The following CLASP1 variants were observed in gnomAD, a reference collection of about 807,000 sequenced individuals.
The protein encoded by CLASP1 is CLIP-associating protein 1.
Under a neutral mutation model 192.3 loss-of-function variants are expected in CLASP1, and 38 were observed. The observed-to-expected ratio is 0.20, with a 90% CI of 0.15 to 0.26. The LOEUF (loss-of-function observed/expected upper bound fraction) is 0.26, where lower values mean the gene tolerates loss of function less well. Ranked by LOEUF, CLASP1 falls within the 10% of genes least tolerant of loss-of-function variation. CLASP1 has a pLI of 1.00. For missense variants in CLASP1, 1,433 were observed against 1,932.5 expected, an observed-to-expected ratio of 0.74 and a Z score of 4.85; for synonymous variants, 691 against 712.8, an observed-to-expected ratio of 0.97 and a Z score of 0.49.
At chr2:121,440,460 G>A (rs1284782985) in intron 19 of CLASP1, among the ~76,000 whole-genome samples, 2 of 152,220 alleles carry the variant, frequency 1.3e-5, no homozygotes, top group Non-Finnish European at 2.9e-5. Flanking sequence ...AGCACTTTGG[G>A]AGGCCAAGGC....
At chr2:121,402,995 C>A (rs1036250249) in intron 26 of CLASP1, among the ~76,000 whole-genome samples, 1 of 152,148 alleles carries the variant, frequency 6.6e-6, no homozygotes, top group Non-Finnish European at 1.5e-5. Context: ...CCATGCCCAG[C>A]TAATTTTTAT....
At chr2:121,630,495 T>C (rs1174662791) in intron 1 of CLASP1, among the ~76,000 whole-genome samples, 2 of 151,822 alleles carry the variant, frequency 1.3e-5, no homozygotes, top group South Asian at 2.1e-4. Context: ...TGGTAACATC[T>C]ACAAGGAAAC....
chr2:121,599,037 G>T (rs1040659152), intron 2 of CLASP1, among the ~76,000 whole-genome samples: 4 of 151,868 alleles, frequency 2.6e-5, no homozygotes, highest in Admixed American at 2.0e-4. Flanking sequence ...GCTGACTTTT[G>T]TATTTTTAGT....
exon 2 of CLASP1, chr2:121,605,867 G>T: frequency 6.2e-7 from 1 of 1,613,894 alleles, no homozygotes; most frequent in Non-Finnish European, 8.5e-7. Flanking sequence ...CAACACCTGC[G>T]CCAGGCAGGA....
chr2:121,508,916 A>G (rs2094027368), intron 7 of CLASP1, among the ~76,000 whole-genome samples: 1 of 152,252 alleles, frequency 6.6e-6, no homozygotes, highest in African/African-American at 2.4e-5. Flanking sequence ...TACAATAGTA[A>G]AAGAGTCAGT....
At chr2:121,530,970 T>C (rs1044488450) in intron 2 of CLASP1, 10 of 699,590 alleles carry the variant, frequency 1.4e-5, no homozygotes, top group Admixed American at 4.0e-5. Context: ...CCGCATCAAC[T>C]AGAGCTTTTG....
At chr2:121,441,590 GC>G (rs1368519363) in intron 19 of CLASP1, among the ~76,000 whole-genome samples, 1 of 151,898 alleles carries the variant, frequency 6.6e-6, no homozygotes, top group East Asian at 1.9e-4. Context: ...AGCCAGGCAG[GC>G]GTGGTGGTGC....
At chr2:121,407,093 G>C (rs570515421) in intron 25 of CLASP1, among the ~76,000 whole-genome samples, 2 of 151,904 alleles carry the variant, frequency 1.3e-5, no homozygotes, top group East Asian at 1.9e-4. Flanking sequence ...GTGTACCCCC[G>C]TAGTCCCAGC....
At chr2:121,492,284 G>A (rs1007733113) in intron 8 of CLASP1, among the ~76,000 whole-genome samples, 2 of 151,264 alleles carry the variant, frequency 1.3e-5, no homozygotes, top group African/African-American at 2.4e-5. Context: ...AGCTACCCGG[G>A]AGGCTGAGGC....
intron 2 of CLASP1, among the ~76,000 whole-genome samples, chr2:121,566,240 C>A (rs2059490624): frequency 6.6e-6 from 1 of 152,182 alleles, no homozygotes. Flanking sequence ...GGACCACAGG[C>A]CAGACCTCAA....
At chr2:121,456,035 T>A (rs2086585862) in intron 14 of CLASP1, among the ~76,000 whole-genome samples, 1 of 152,074 alleles carries the variant, frequency 6.6e-6, no homozygotes, top group Non-Finnish European at 1.5e-5. Context: ...AACAACATAT[T>A]ATATACTTTA....
intron 17 of CLASP1, among the ~76,000 whole-genome samples, chr2:121,448,595 G>C (rs934443092): frequency 6.6e-6 from 1 of 152,228 alleles, no homozygotes; most frequent in African/African-American, 2.4e-5. Context: ...TTAAGTCACA[G>C]AGTTTGAATG....
At chr2:121,547,225 A>T (rs1309744911) in intron 2 of CLASP1, among the ~76,000 whole-genome samples, 2 of 152,126 alleles carry the variant, frequency 1.3e-5, no homozygotes, top group African/African-American at 4.8e-5. Context: ...GCAACTCAGC[A>T]ACTCCCTGGA....
intron 37 of CLASP1, among the ~76,000 whole-genome samples, chr2:121,358,241 T>G (rs1432405841): frequency 6.6e-6 from 1 of 152,218 alleles, no homozygotes; most frequent in African/African-American, 2.4e-5. Context: ...TAGGGAAAAC[T>G]GAAAATTTAG....
chr2:121,479,003 C>CA (rs2092319587), intron 8 of CLASP1, among the ~76,000 whole-genome samples: 1 of 96,460 alleles, frequency 1.0e-5, no homozygotes, highest in Non-Finnish European at 2.1e-5. Context: ...CACACACACA[C>CA]CACACACACA....
intron 1 of CLASP1, among the ~76,000 whole-genome samples, chr2:121,608,535 G>A (rs2064757089): frequency 6.6e-6 from 1 of 152,158 alleles, no homozygotes; most frequent in Non-Finnish European, 1.5e-5. Flanking sequence ...GAACCAACAT[G>A]CTCTGACCAA....
intron 34 of CLASP1, among the ~76,000 whole-genome samples, chr2:121,376,651 T>C (rs2070290478): frequency 6.6e-6 from 1 of 152,162 alleles, no homozygotes; most frequent in Non-Finnish European, 1.5e-5. Flanking sequence ...CTGGTATTGG[T>C]CTGTGGCCTG....
In CLASP1 at chr2:121,372,950, C is replaced by T. The variant is rs184958596; in HGVS notation, c.3642+4549G>A. Among the ~76,000 whole-genome samples, 193 of 152,342 alleles carry T rather than the reference C, an allele frequency of 1.3e-3. 1 individual carries two copies. The highest frequency in any genetic ancestry group is 4.5e-3 in the African/African-American group (186 of 41,580). Reference sequence around the variant, plus strand: ...ATGTCTTAGTCTTCAAACAGGCCCTCCTGACTATAACCCTCCTACTCGACC... The same window carrying T: ...ATGTCTTAGTCTTCAAACAGGCCCTTCTGACTATAACCCTCCTACTCGACC... On this transcript the variant is annotated intron_variant, in intron 34 of 39. Transcript: ENST00000263710.
chr2:121,549,522 G>A (rs2057808349), intron 2 of CLASP1, among the ~76,000 whole-genome samples: 1 of 151,948 alleles, frequency 6.6e-6, no homozygotes, highest in Non-Finnish European at 1.5e-5. Context: ...GACAATATTA[G>A]ACAGATCATC....
Sources: gnomAD v4.1 joint callset for allele counts (sites outside exome capture counted in the v4.1 genomes callset) on GRCh38, gnomAD v4.1.1 for gene constraint, MANE v1.5 for transcripts, NCBI Gene and HGNC (gene_info 2026-07-23, HGNC 2026-07-21) for gene names.